TGFBR3: variants seen among roughly 807,000 people sequenced by gnomAD.
TGFBR3 encodes transforming growth factor beta receptor type 3.
A neutral mutation model predicts 87.9 loss-of-function variants in TGFBR3; 46 were observed. The ratio of observed to expected loss-of-function variants is 0.52; its 90% CI spans 0.41 to 0.67. The LOEUF (loss-of-function observed/expected upper bound fraction) is 0.67, where lower values mean the gene tolerates loss of function less well. Ranked by LOEUF, TGFBR3 falls within the 30% of genes least tolerant of loss-of-function variation. The pLI, the probability that TGFBR3 is intolerant of heterozygous loss-of-function variation, is 0.00. For missense variants in TGFBR3, 866 were observed against 1,041.9 expected, an observed-to-expected ratio of 0.83 and a Z score of 2.32; for synonymous variants, 381 against 391.6, an observed-to-expected ratio of 0.97 and a Z score of 0.32.
chr1:91,699,597 C>T (rs1268437810), intron 14 of TGFBR3, among the ~76,000 whole-genome samples: 2 of 152,068 alleles, frequency 1.3e-5, no homozygotes, highest in African/African-American at 4.8e-5. Context: ...ACAGAGGAAA[C>T]CAGCAATCAG....
At chr1:91,827,197 A>G (rs1047217078) in intron 2 of TGFBR3, among the ~76,000 whole-genome samples, 2 of 152,158 alleles carry the variant, frequency 1.3e-5, no homozygotes, top group African/African-American at 4.8e-5. Flanking sequence ...AGTGCCAGGC[A>G]TGAGGCTGGC....
chr1:91,877,585 A>G (rs542920893), intron 1 of TGFBR3, among the ~76,000 whole-genome samples: 62 of 152,322 alleles, frequency 4.1e-4, no homozygotes, highest in Non-Finnish European at 7.8e-4. Flanking sequence ...TAAAACCTGG[A>G]ACGTCTTAGA....
intron 5 of TGFBR3, among the ~76,000 whole-genome samples, chr1:91,732,736 G>A (rs937208624): frequency 6.6e-6 from 1 of 152,190 alleles, no homozygotes. Context: ...GGTTCCGAAG[G>A]TGTTACCAAG....
intron 16 of TGFBR3, among the ~76,000 whole-genome samples, chr1:91,693,964 T>G (rs1671347470): frequency 6.6e-6 from 1 of 152,192 alleles, no homozygotes; most frequent in South Asian, 2.1e-4. Flanking sequence ...CCTAAACTGA[T>G]TCACAGATGG....
chr1:91,863,865 C>A (rs1247720754), intron 1 of TGFBR3: 1 of 152,140 alleles, frequency 6.6e-6, no homozygotes, highest in Non-Finnish European at 1.5e-5. Context: ...CACCATAATT[C>A]CACATCAACT....
intron 3 of TGFBR3, among the ~76,000 whole-genome samples, chr1:91,767,041 C>T (rs1444835161): frequency 7.4e-6 from 1 of 134,314 alleles, no homozygotes; most frequent in Non-Finnish European, 1.6e-5. Flanking sequence ...AGCAGCTGTA[C>T]AATTAAACCT....
At chr1:91,775,686 G>A (rs1674543116) in intron 3 of TGFBR3, among the ~76,000 whole-genome samples, 1 of 152,170 alleles carries the variant, frequency 6.6e-6, no homozygotes, top group South Asian at 2.1e-4. Flanking sequence ...CTAAGTAAAG[G>A]CCACTGCCAG....
rs1670991836 is a variant in TGFBR3 at position 91,683,709 on chromosome 1, CTGGGT to C, written c.*25_*29del. 6.8e-7 allele frequency: 1 copy of C among 1,472,590 alleles called. No individual in the cohort carries two copies. Among genetic ancestry groups the C allele is most frequent in the African/African-American group, 1.4e-5 (1 of 71,038 alleles). 91.2% of individuals were successfully genotyped at this position (1,472,590 alleles called of 1,614,324 possible). On this transcript the variant is annotated 3_prime_UTR_variant, in exon 17 of 17. Coordinates refer to ENST00000212355, the MANE Select transcript of TGFBR3 (RefSeq NM_003243.5). ...AGTAGCTGAGCTGAGCTGGGCTGGGCTGGGTTGGGCCGGGTTGGGCTGGGTTGGGC... is the reference window on the plus strand; with the variant it reads ...AGTAGCTGAGCTGAGCTGGGCTGGGCTGGGCCGGGTTGGGCTGGGTTGGGC...
chr1:91,718,121 T>C (rs1290717495), intron 10 of TGFBR3, among the ~76,000 whole-genome samples: 2 of 152,024 alleles, frequency 1.3e-5, no homozygotes, highest in Non-Finnish European at 2.9e-5. Flanking sequence ...CTAGGAAAGA[T>C]TAGTGGACAA....
In TGFBR3 at chr1:91,730,849, T is replaced by C. The variant is rs144191744; in HGVS notation, c.569-876A>G. ...CAGACAACTCAAGTTTATATGGCAC[T>C]TTACAGTTTACAAAGTGCTTTCGCA... is the stretch of plus-strand genomic sequence containing the variant. On this transcript the variant is annotated intron_variant, in intron 5 of 16. Coordinates refer to ENST00000212355, the MANE Select transcript of TGFBR3 (RefSeq NM_003243.5). 8.0e-4 allele frequency among the ~76,000 whole-genome samples: 122 copies of C among 152,360 alleles called. No individual in the cohort carries two copies. In the East Asian group the frequency reaches 0.022, roughly 27 times the overall value.
At chr1:91,855,152 G>A (rs1328019308) in intron 2 of TGFBR3, among the ~76,000 whole-genome samples, 1 of 152,074 alleles carries the variant, frequency 6.6e-6, no homozygotes, top group African/African-American at 2.4e-5. Context: ...GACTCTACCT[G>A]GAATTCCAGG....
At position 91,807,280 on chromosome 1, in the gene TGFBR3, T is replaced by C. The variant is rs117284864; in HGVS notation, c.62-9809A>G. Among the ~76,000 whole-genome samples, 24 of 152,332 alleles carry C rather than the reference T, an allele frequency of 1.6e-4. No individual in the cohort carries two copies. In the East Asian group the frequency reaches 4.3e-3, roughly 27 times the overall value. On this transcript the variant is annotated intron_variant, in intron 2 of 16. Transcript: ENST00000212355. ...TAGTAGGAAAAAGGTAGACAAGTCC[T>C]AAAACTTGTAATTTGGATTTCTCAG...
Position 91,712,407 on chromosome 1 carries a change from A to G in TGFBR3, c.2002T>C (p.Phe668Leu). 6.2e-7 allele frequency: 1 copy of G among 1,614,218 alleles called. No individual in the cohort carries two copies. Among genetic ancestry groups the G allele is most frequent in the South Asian group, 1.1e-5 (1 of 91,082 alleles). The change falls in exon 13 of 17, where the codon TTC (phenylalanine) becomes CTC (leucine). Residue 668 changes from phenylalanine to leucine, a missense_variant. Transcript: ENST00000212355. ...AAGTGCACTCTCTTGGGACTGTAGA[A>G]TTTCACAGATTCATCTTTAGGACAA... ...NICPKDESVK[F>L]YSPKRVHFPI...
intron 12 of TGFBR3, among the ~76,000 whole-genome samples, chr1:91,715,123 G>C (rs1309143429): frequency 2.0e-5 from 3 of 152,148 alleles, no homozygotes; most frequent in Non-Finnish European, 4.4e-5. Context: ...ATTAGATGAG[G>C]ACCTTCCCAT....
chr1:91,834,401 G>C (rs1676982074), intron 2 of TGFBR3, among the ~76,000 whole-genome samples: 1 of 152,166 alleles, frequency 6.6e-6, no homozygotes, highest in Non-Finnish European at 1.5e-5. Context: ...CCTCTGACAG[G>C]TTCCCCTTTG....
At chr1:91,895,801 T>C (rs1046228821) in intron 2 of TGFBR3, among the ~76,000 whole-genome samples, 1 of 152,244 alleles carries the variant, frequency 6.6e-6, no homozygotes, top group Non-Finnish European at 1.5e-5. Context: ...TCTTGATTCT[T>C]GCACACACAT....
intron 14 of TGFBR3, 93 bp from the exon 15 acceptor site, chr1:91,698,223 CA>C: frequency 2.8e-6 from 3 of 1,074,818 alleles, no homozygotes; most frequent in Non-Finnish European, 4.3e-6. Flanking sequence ...GACACTTTTC[CA>C]TTTGGTAATA....
intron 2 of TGFBR3, among the ~76,000 whole-genome samples, chr1:91,800,459 G>A (rs927337329): frequency 2.7e-5 from 4 of 150,666 alleles, no homozygotes; most frequent in East Asian, 2.0e-4. Flanking sequence ...GCAGTAAGCC[G>A]TGATCACACT....
intron 1 of TGFBR3, among the ~76,000 whole-genome samples, chr1:91,882,428 C>T (rs1052825675): frequency 1.3e-5 from 2 of 151,610 alleles, no homozygotes; most frequent in African/African-American, 4.8e-5. Flanking sequence ...TGAGCCACCA[C>T]ACCCAGCCAA....
Sources: allele counts gnomAD v4.1 joint callset (sites outside exome capture counted in the v4.1 genomes callset), GRCh38; gene constraint gnomAD v4.1.1; transcripts MANE v1.5; gene names NCBI Gene and HGNC (gene_info 2026-07-23, HGNC 2026-07-21).